The following NOD2 variants were observed in gnomAD, a reference collection of about 807,000 sequenced individuals.
NOD2 encodes the protein nucleotide binding oligomerization domain containing 2, also known as nucleotide-binding oligomerization domain-containing protein 2.
A neutral mutation model predicts 90.9 loss-of-function variants in NOD2; 86 were observed. That is an observed-to-expected ratio of 0.95 (90% CI 0.79 to 1.13). The LOEUF (loss-of-function observed/expected upper bound fraction) is 1.13, where lower values mean the gene tolerates loss of function less well. Among genes scored for constraint, NOD2 ranks in the 50% most tolerant of loss-of-function variants. NOD2 has a pLI of 0.00. For synonymous variants in NOD2, 581 were observed against 554.6 expected, an observed-to-expected ratio of 1.05 and a Z score of -0.67; for missense variants, 1,238 against 1,283.8, an observed-to-expected ratio of 0.96 and a Z score of 0.55.
At chr16:50,718,383 G>A (rs539257606) in intron 6 of NOD2, among the ~76,000 whole-genome samples, 1 of 152,340 alleles carries the variant, frequency 6.6e-6, no homozygotes, top group South Asian at 2.1e-4. Context: ...GCTGGACGGG[G>A]GGCTGATTCA....
intron 7 of NOD2, among the ~76,000 whole-genome samples, chr16:50,722,270 C>T (rs1304401285): frequency 6.6e-6 from 1 of 152,184 alleles, no homozygotes; most frequent in Non-Finnish European, 1.5e-5. Context: ...TTGTGGGTGG[C>T]AGTTACCAGG....
chr16:50,710,434 T>C, intron 3 of NOD2, 124 bp from the exon 4 acceptor site: 1 of 1,329,062 alleles, frequency 7.5e-7, no homozygotes, highest in Admixed American at 1.7e-5. Flanking sequence ...GGAGCCAGGA[T>C]GGGCGCCCGC....
In NOD2 at chr16:50,710,982, T is replaced by C; in HGVS notation, c.990T>C (p.Asp330=). 1 of 1,614,256 alleles carries C rather than the reference T, an allele frequency of 6.2e-7. No individual in the cohort carries two copies. The highest frequency in any genetic ancestry group is 8.5e-7 in the Non-Finnish European group (1 of 1,180,040). Residue 330 remains aspartate, a synonymous_variant, in exon 4 of 12, where the codon GAT becomes GAC. Transcript: ENST00000647318. ...TLLFEHCCWP[D]VGQEDIFQLL... is the part of the protein sequence containing the mutation. ...TCTTTGAGCACTGCTGTTGGCCTGATGTTGGTCAAGAAGACATCTTCCAGT... is the reference window on the plus strand; with the variant it reads ...TCTTTGAGCACTGCTGTTGGCCTGACGTTGGTCAAGAAGACATCTTCCAGT...
Position 50,699,686 on chromosome 16 carries a change from C to T in NOD2, c.191C>T (p.Thr64Ile), listed in dbSNP as rs1356111500. 1.2e-6 allele frequency: 2 copies of T among 1,614,190 alleles called. No homozygotes were observed. Among genetic ancestry groups the T allele is most frequent in the East Asian group, 2.2e-5 (1 of 44,874 alleles). The change falls in exon 2 of 12, where the codon ACC (threonine) becomes ATC (isoleucine). Residue 64 changes from threonine to isoleucine, a missense_variant. This residue lies in a region of NOD2 where 567 missense variants were observed against 577.3 expected (regional missense o/e 0.98). Coordinates refer to ENST00000647318, the MANE Select transcript of NOD2 (RefSeq NM_001370466.1). Reference protein sequence around the residue: ...LSHLARRLLDTVWNKGTWACQ... With the variant: ...LSHLARRLLDIVWNKGTWACQ... Reference sequence around the variant, plus strand: ...CACTTGGCCAGGCGCCTTCTGGACACCGTCTGGAATAAGGGTACTTGGGCC... The same window carrying T: ...CACTTGGCCAGGCGCCTTCTGGACATCGTCTGGAATAAGGGTACTTGGGCC...
intron 9 of NOD2, 130 bp from the exon 10 acceptor site, chr16:50,725,359 T>TAA (rs1965227921): frequency 1.4e-6 from 1 of 726,148 alleles, no homozygotes; most frequent in Admixed American, 2.0e-5. Context: ...ACAACGTACT[T>TAA]TATCTGTTCT....
chr16:50,726,101 T>C (rs1315896249), intron 10 of NOD2, among the ~76,000 whole-genome samples: 1 of 150,792 alleles, frequency 6.6e-6, no homozygotes, highest in East Asian at 1.9e-4. Context: ...GCTGGGGAGG[T>C]GATGTGATGG....
Position 50,726,360 on chromosome 16 carries a change from G to A in NOD2, c.2885+788G>A, listed in dbSNP as rs184492197. Among the ~76,000 whole-genome samples the A allele has an allele frequency of 1.5e-3, 223 of 152,336 alleles. 1 individual carries two copies. Among genetic ancestry groups the A allele is most frequent in the Admixed American group, 3.0e-3 (46 of 15,306 alleles). ...TCCTAGGAAAACGCTTGCCTTTAGA[G>A]ACAGACAGACAGACAGCTGCCTCTG... On this transcript the variant is annotated intron_variant, in intron 10 of 11. Coordinates refer to ENST00000647318, the MANE Select transcript of NOD2 (RefSeq NM_001370466.1).
In NOD2 at chr16:50,711,968, A is replaced by C. The variant is rs201709367; in HGVS notation, c.1976A>C (p.His659Pro). 12 of 1,613,428 alleles carry C rather than the reference A, an allele frequency of 7.4e-6. No homozygotes were observed. The East Asian group carries it at 2.5e-4, about 33-fold the overall frequency. Residue 659 changes from histidine to proline, a missense_variant, in exon 4 of 12, where the codon CAC becomes CCC. Physicochemically the swap from His to Pro is moderately conservative, Grantham distance 77. Transcript: ENST00000647318. The part of the protein sequence containing the change: ...AFLAGLLSRE[H>P]WGLLAECQTS... Reference sequence around the variant, plus strand: ...CTGGCAGGGCTGTTGTCCCGGGAGCACTGGGGCCTGCTGGCTGAGTGCCAG... The same window carrying C: ...CTGGCAGGGCTGTTGTCCCGGGAGCCCTGGGGCCTGCTGGCTGAGTGCCAG...
At position 50,711,302 on chromosome 16, in the gene NOD2, G is replaced by A; in HGVS notation, c.1310G>A (p.Gly437Glu). Residue 437 changes from glycine to glutamate, a missense_variant, in exon 4 of 12, where the codon GGG becomes GAG. By Grantham distance (98) the Gly-to-Glu change is moderately conservative (BLOSUM62 -2). Around this residue, in one of 3 missense-constraint regions of NOD2, gnomAD observed 567 missense variants for 577.3 expected, o/e 0.98. Coordinates refer to ENST00000647318, the MANE Select transcript of NOD2 (RefSeq NM_001370466.1). ...CTGAGGAAGCGCCATCATGAGCCCG[G>A]GGTGGCGGACCGCCTCATCCGCCTG... is the stretch of plus-strand genomic sequence containing the variant. ...LYLRKRHHEP[G>E]VADRLIRLLQ... 1 of 1,613,716 alleles carries A rather than the reference G, an allele frequency of 6.2e-7. No homozygotes were observed. Among genetic ancestry groups the A allele is most frequent in the Non-Finnish European group, 8.5e-7 (1 of 1,180,028 alleles).
In NOD2 at chr16:50,712,344, G is replaced by A; in HGVS notation, c.2352G>A (p.Leu784=). Residue 784 remains leucine (L), a synonymous_variant, in exon 4 of 12, where the codon CTG becomes CTA. Transcript: ENST00000647318. ...SVGDIGVEQL[L]PCLGVCKALY... Reference sequence around the variant, plus strand: ...GTGACATTGGCGTGGAGCAGCTGCTGCCTTGCCTTGGTGTCTGCAAGGCTC... The same window carrying A: ...GTGACATTGGCGTGGAGCAGCTGCTACCTTGCCTTGGTGTCTGCAAGGCTC... 1 of 1,613,950 alleles carries A rather than the reference G, an allele frequency of 6.2e-7. No individual in the cohort carries two copies. The highest frequency in any genetic ancestry group is 2.2e-5 in the East Asian group (1 of 44,880).
At chr16:50,723,431 T>C in intron 9 of NOD2, 47 bp downstream of exon 9, 1 of 1,553,194 alleles carries the variant, frequency 6.4e-7, no homozygotes, top group East Asian at 2.2e-5. Flanking sequence ...TCACAATCTC[T>C]GTTGATCCCC....
chr16:50,703,920 G>A lies in NOD2; in HGVS notation c.460-3935G>A, dbSNP rs567434614. Among the ~76,000 whole-genome samples the A allele has an allele frequency of 2.3e-4, 35 of 152,232 alleles. 1 individual carries two copies. Among genetic ancestry groups the A allele is most frequent in the South Asian group, 2.1e-4 (1 of 4,814 alleles). On this transcript the variant is annotated intron_variant, in intron 2 of 11. Coordinates refer to ENST00000647318, the MANE Select transcript of NOD2 (RefSeq NM_001370466.1). ...CTGATGTGAATTAGGTGCTGTGTCC[G>A]GAGGAAAATGGCCAGAGGAAGTGGG...
intron 2 of NOD2, 79 bp downstream of exon 2, chr16:50,700,033 G>A: frequency 7.3e-7 from 1 of 1,375,982 alleles, no homozygotes; most frequent in Non-Finnish European, 1.0e-6. Flanking sequence ...TCCTCATGAA[G>A]TCAGCCTGTG....
At chr16:50,704,337 C>T (rs1964082874) in intron 2 of NOD2, among the ~76,000 whole-genome samples, 1 of 152,134 alleles carries the variant, frequency 6.6e-6, no homozygotes, top group Non-Finnish European at 1.5e-5. Context: ...AGACCGTATC[C>T]TCCAGTCAAT....
intron 10 of NOD2, chr16:50,727,579 T>G (rs1965310568): frequency 6.8e-6 from 2 of 292,924 alleles, no homozygotes. Context: ...TGTGGAAGCA[T>G]TTTTCCTGCA....
intron 6 of NOD2, 199 bp from the exon 7 acceptor site, chr16:50,719,724 CCT>C: frequency 1.4e-6 from 1 of 697,602 alleles, no homozygotes; most frequent in East Asian, 2.7e-5. Context: ...TCCCGCTGCC[CCT>C]TTCCCTTTGC....
At chr16:50,717,197 G>A (rs548522587) in intron 6 of NOD2, among the ~76,000 whole-genome samples, 21 of 152,330 alleles carry the variant, frequency 1.4e-4, no homozygotes, top group African/African-American at 1.9e-4. Context: ...CCTTTAGCCC[G>A]TAGGGCAAGA....
At chr16:50,724,791 A>G (rs539220473) in intron 9 of NOD2, among the ~76,000 whole-genome samples, 2 of 152,344 alleles carry the variant, frequency 1.3e-5, no homozygotes, top group South Asian at 2.1e-4. Flanking sequence ...ACCTCCATCT[A>G]TAGAGGTTTA....
intron 4 of NOD2, 161 bp downstream of exon 4, chr16:50,712,534 A>G (rs2150815438): frequency 1.2e-6 from 1 of 828,822 alleles, no homozygotes; most frequent in Non-Finnish European, 1.9e-6. Flanking sequence ...CTTAATTTCA[A>G]TATGTGATGA....
Sources: gnomAD v4.1 joint callset for allele counts (sites outside exome capture counted in the v4.1 genomes callset) on GRCh38, gnomAD v4.1.1 for gene constraint, gnomAD v4.1.1 regional missense constraint, MANE v1.5 for transcripts, NCBI Gene and HGNC (gene_info 2026-07-23, HGNC 2026-07-21) for gene names.